The following STARD13 variants were observed in gnomAD, a reference collection of about 807,000 sequenced individuals.
STARD13 encodes StAR related lipid transfer domain containing 13.
Under a neutral mutation model 106.4 loss-of-function variants are expected in STARD13, and 62 were observed. The observed-to-expected ratio is 0.58, with a 90% confidence interval of 0.48 to 0.72. STARD13 has a LOEUF of 0.72. Among genes scored for constraint, STARD13 ranks in the 30% least tolerant of loss-of-function variants. The pLI is 0.00. For synonymous variants in STARD13, 565 were observed against 553.0 expected (o/e 1.02, Z -0.31); for missense variants, 1,387 against 1,424.0 (o/e 0.97, Z 0.42).
the STARD13 span, among the ~76,000 whole-genome samples, chr13:33,468,584 C>CA: frequency 6.6e-6 from 1 of 151,872 alleles, no homozygotes. Context: ...CCCCCTCCCC[C>CA]ACTCTCTCTC....
At chr13:33,261,280 C>T (rs1256153463) in intron 1 of STARD13, among the ~76,000 whole-genome samples, 1 of 152,114 alleles carries the variant, frequency 6.6e-6, no homozygotes, top group East Asian at 1.9e-4. Flanking sequence ...ATGGATGCCT[C>T]TTAGCATCCC....
At chr13:33,506,388 T>A in the STARD13 span, among the ~76,000 whole-genome samples, 30 of 152,298 alleles carry the variant, frequency 2.0e-4, no homozygotes, top group Non-Finnish European at 3.5e-4. Context: ...ATTAATAAAG[T>A]AAGCCTATCA....
the STARD13 span, chr13:33,654,641 CAAAT>C: frequency 6.6e-6 from 1 of 152,204 alleles, no homozygotes; most frequent in Non-Finnish European, 1.5e-5. Context: ...CTCAAAAACT[CAAAT>C]AGAGTAAGAT....
At chr13:33,341,632 G>T (rs1346079941) in intron 1 of STARD13, among the ~76,000 whole-genome samples, 2 of 151,578 alleles carry the variant, frequency 1.3e-5, no homozygotes, top group Non-Finnish European at 2.9e-5. Flanking sequence ...AAATTTCAGC[G>T]AACCAGCTGG....
chr13:33,233,067 G>A (rs1889004403), intron 1 of STARD13, among the ~76,000 whole-genome samples: 1 of 152,246 alleles, frequency 6.6e-6, no homozygotes, highest in Admixed American at 6.5e-5. Flanking sequence ...ATCAAGCACT[G>A]CTCAATGTGA....
chr13:33,368,823 T>A, the STARD13 span, among the ~76,000 whole-genome samples: 1 of 152,072 alleles, frequency 6.6e-6, no homozygotes, highest in Non-Finnish European at 1.5e-5. Flanking sequence ...GTGTCTCCCA[T>A]GGGGTTAGGC....
chr13:33,505,321 A>G, the STARD13 span, among the ~76,000 whole-genome samples: 1 of 152,176 alleles, frequency 6.6e-6, no homozygotes, highest in African/African-American at 2.4e-5. Context: ...ATCCATCCTC[A>G]GGTTTCTCTA....
chr13:33,543,671 G>C, the STARD13 span, among the ~76,000 whole-genome samples: 1 of 152,156 alleles, frequency 6.6e-6, no homozygotes, highest in South Asian at 2.1e-4. Context: ...CATGCATCCA[G>C]ATTCTCTAGA....
At chr13:33,446,281 A>G in the STARD13 span, among the ~76,000 whole-genome samples, 1,567 of 152,270 alleles carry the variant, frequency 0.01, 35 homozygotes, top group African/African-American at 0.036. Flanking sequence ...AAAATTCTAT[A>G]TAGTGATTTC....
chr13:33,478,656 C>A, the STARD13 span, among the ~76,000 whole-genome samples: 2 of 152,102 alleles, frequency 1.3e-5, no homozygotes, highest in Non-Finnish European at 2.9e-5. Context: ...TGGCTCATGC[C>A]TGTAATCCAA....
intron 12 of STARD13, among the ~76,000 whole-genome samples, chr13:33,107,498 C>T (rs1344640474): frequency 1.3e-5 from 2 of 152,016 alleles, no homozygotes; most frequent in Admixed American, 6.6e-5. Context: ...AGGGCATGCT[C>T]AAAGAGAAGT....
intron 1 of STARD13, among the ~76,000 whole-genome samples, chr13:33,224,244 CT>C (rs1210346470): frequency 6.6e-6 from 1 of 152,164 alleles, no homozygotes; most frequent in Non-Finnish European, 1.5e-5. Context: ...AGATAATGCT[CT>C]CATCTTTTCA....
chr13:33,211,087 C>G (rs1180627246), intron 1 of STARD13, among the ~76,000 whole-genome samples: 2 of 151,970 alleles, frequency 1.3e-5, no homozygotes, highest in East Asian at 3.8e-4. Flanking sequence ...AGGACAGGAT[C>G]ATTCCTTTTT....
At chr13:33,438,191 T>C in the STARD13 span, among the ~76,000 whole-genome samples, 75,390 of 152,102 alleles carry the variant, frequency 0.5, 19,700 homozygotes, top group African/African-American at 0.67. Context: ...GAAAATAGAC[T>C]TATTATTCTA....
chr13:33,513,428 T>C, the STARD13 span, among the ~76,000 whole-genome samples: 3 of 152,196 alleles, frequency 2.0e-5, no homozygotes, highest in African/African-American at 7.2e-5. Flanking sequence ...TATTTCTCAA[T>C]TGATTTCAAA....
chr13:33,390,162 A>C, the STARD13 span, among the ~76,000 whole-genome samples: 2 of 152,174 alleles, frequency 1.3e-5, no homozygotes, highest in East Asian at 3.8e-4. Context: ...TTTAGTACTT[A>C]CTTTATGAGC....
the STARD13 span, among the ~76,000 whole-genome samples, chr13:33,358,436 T>C: frequency 6.6e-6 from 1 of 152,222 alleles, no homozygotes; most frequent in Non-Finnish European, 1.5e-5. Context: ...TGAAGCCAGC[T>C]GGGCTCCTGA....
intron 1 of STARD13, among the ~76,000 whole-genome samples, chr13:33,323,421 C>T (rs750020402): frequency 6.6e-6 from 1 of 152,200 alleles, no homozygotes; most frequent in African/African-American, 2.4e-5. Flanking sequence ...ACCCTTCTCC[C>T]ACTCAGCCCT....
chr13:33,198,944 T>C (rs1886823777), intron 1 of STARD13, among the ~76,000 whole-genome samples: 1 of 152,210 alleles, frequency 6.6e-6, no homozygotes, highest in Non-Finnish European at 1.5e-5. Context: ...CCTTAAAAAG[T>C]TCTAGCCCCC....
Sources: allele counts gnomAD v4.1 joint callset (sites outside exome capture counted in the v4.1 genomes callset), GRCh38; gene constraint gnomAD v4.1.1; transcripts MANE v1.5; gene names NCBI Gene and HGNC (gene_info 2026-07-23, HGNC 2026-07-21).